The following KCNIP4 variants were observed in gnomAD, a reference collection of about 807,000 sequenced individuals.
The protein encoded by KCNIP4 is Kv channel-interacting protein 4.
A neutral mutation model predicts 34.0 loss-of-function variants in KCNIP4; 12 were observed. That is an observed-to-expected ratio of 0.35 (90% confidence interval 0.23 to 0.57). The LOEUF (loss-of-function observed/expected upper bound fraction) is 0.57, where lower values mean the gene tolerates loss of function less well. KCNIP4 is among the 20% of genes least tolerant of loss of function. KCNIP4 has a pLI of 0.83. For synonymous variants in KCNIP4, 124 were observed against 102.2 expected (o/e 1.21, Z -1.29); for missense variants, 238 against 311.7 (o/e 0.76, Z 1.78).
At chr4:21,718,593 A>G (rs374158763) in intron 1 of KCNIP4, 4 of 152,174 alleles carry the variant, frequency 2.6e-5, no homozygotes, top group African/African-American at 9.7e-5. Flanking sequence ...ATGCAAGACA[A>G]TACAAACTAG....
chr4:21,697,677 G>T, intron 1 of KCNIP4: 1 of 1,267,028 alleles, frequency 7.9e-7, no homozygotes, highest in Non-Finnish European at 9.8e-7. Context: ...TTCTCAGTGT[G>T]GTGACCAAGT....
At chr4:20,848,233 G>A (rs1250973652) in intron 3 of KCNIP4, among the ~76,000 whole-genome samples, 1 of 151,984 alleles carries the variant, frequency 6.6e-6, no homozygotes, top group Non-Finnish European at 1.5e-5. Flanking sequence ...TGTCTCATGG[G>A]GCAGGGTGAG....
intron 1 of KCNIP4, among the ~76,000 whole-genome samples, chr4:20,948,746 A>T (rs1240389565): frequency 6.6e-6 from 1 of 151,830 alleles, no homozygotes; most frequent in Non-Finnish European, 1.5e-5. Context: ...ATTGGAGATG[A>T]CTCCCTTTGT....
At chr4:20,899,474 TG>T (rs1560553494) in intron 1 of KCNIP4, among the ~76,000 whole-genome samples, 1 of 152,186 alleles carries the variant, frequency 6.6e-6, no homozygotes, top group East Asian at 1.9e-4. Flanking sequence ...AGTAAAATAA[TG>T]CCATGACAAG....
Position 20,954,022 on chromosome 4 carries a change from T to C in KCNIP4, c.62-71313A>G, listed in dbSNP as rs562554663. On this transcript the variant is annotated intron_variant, in intron 1 of 8. Transcript: ENST00000382152. ...CAGGATTTTTTTTATAAAGGCATCG[T>C]GCAAGAATCACAAATTAACATCCCT... Among the ~76,000 whole-genome samples the C allele has an allele frequency of 6.6e-5, 10 of 152,300 alleles. No individual in the cohort carries two copies. In the South Asian group the frequency reaches 2.1e-3, roughly 32 times the overall value.
intron 1 of KCNIP4, among the ~76,000 whole-genome samples, chr4:21,042,485 T>C (rs376941433): frequency 2.0e-5 from 3 of 152,146 alleles, no homozygotes; most frequent in African/African-American, 7.2e-5. Flanking sequence ...AAAGTTGCTT[T>C]CATAGAAGTA....
intron 1 of KCNIP4, among the ~76,000 whole-genome samples, chr4:21,586,124 A>C (rs888225778): frequency 6.6e-6 from 1 of 152,156 alleles, no homozygotes; most frequent in Admixed American, 6.6e-5. Flanking sequence ...ACTCCATTAC[A>C]TAAATGTTGG....
intron 1 of KCNIP4, among the ~76,000 whole-genome samples, chr4:21,906,340 G>T (rs1367448906): frequency 2.0e-5 from 3 of 152,170 alleles, no homozygotes; most frequent in Admixed American, 2.0e-4. Context: ...GTCTAAGACA[G>T]GTAGAGGGAG....
chr4:21,470,089 G>A (rs1048311135), intron 1 of KCNIP4, among the ~76,000 whole-genome samples: 1 of 152,216 alleles, frequency 6.6e-6, no homozygotes, highest in African/African-American at 2.4e-5. Context: ...GACTCAGAAA[G>A]TGATGTATGT....
At chr4:21,054,275 T>G (rs746883389) in intron 1 of KCNIP4, among the ~76,000 whole-genome samples, 1 of 151,930 alleles carries the variant, frequency 6.6e-6, no homozygotes, top group Non-Finnish European at 1.5e-5. Context: ...TACTAGCACT[T>G]TGGGAGGCTG....
chr4:21,237,658 C>T (rs1005523717), intron 1 of KCNIP4, among the ~76,000 whole-genome samples: 2 of 152,142 alleles, frequency 1.3e-5, no homozygotes, highest in African/African-American at 4.8e-5. Flanking sequence ...TCGACACATA[C>T]ACCCTCCCAA....
intron 1 of KCNIP4, among the ~76,000 whole-genome samples, chr4:21,637,170 T>A (rs1560582176): frequency 1.3e-5 from 2 of 152,134 alleles, no homozygotes; most frequent in African/African-American, 2.4e-5. Context: ...GATCAGCTCC[T>A]AAATGTCAAA....
intron 1 of KCNIP4, among the ~76,000 whole-genome samples, chr4:21,836,698 C>T (rs1723344690): frequency 6.6e-6 from 1 of 151,996 alleles, no homozygotes; most frequent in Non-Finnish European, 1.5e-5. Flanking sequence ...TCCAGTCTTG[C>T]TATTTTCTAA....
chr4:21,349,247 T>C lies in KCNIP4; in HGVS notation c.62-466538A>G, dbSNP rs571702261. On this transcript the variant is annotated intron_variant, in intron 1 of 8. Transcript: ENST00000382152. Reference sequence around the variant, plus strand: ...TACAGAGGAACAACCTAACATATTGTAAGTGCTCAGTCAATAATCAGCTGC... The same window carrying C: ...TACAGAGGAACAACCTAACATATTGCAAGTGCTCAGTCAATAATCAGCTGC... Among the ~76,000 whole-genome samples the C allele has an allele frequency of 5.9e-5, 9 of 152,282 alleles. No individual in the cohort carries two copies. In the East Asian group the frequency reaches 1.5e-3, roughly 26 times the overall value.
chr4:21,747,457 G>A (rs1043166004), intron 1 of KCNIP4, among the ~76,000 whole-genome samples: 19 of 152,100 alleles, frequency 1.2e-4, no homozygotes, highest in Admixed American at 2.6e-4. Context: ...GCAAGGTGTG[G>A]CAAGTTCTAA....
chr4:21,812,196 A>T (rs1721700539), intron 1 of KCNIP4, among the ~76,000 whole-genome samples: 1 of 152,128 alleles, frequency 6.6e-6, no homozygotes, highest in Admixed American at 6.5e-5. Context: ...TTATTACTTA[A>T]TTTTTTCCCT....
intron 5 of KCNIP4, among the ~76,000 whole-genome samples, chr4:20,748,571 T>C (rs1481343465): frequency 3.3e-5 from 1 of 29,916 alleles, no homozygotes; most frequent in African/African-American, 1.3e-4. Flanking sequence ...TATATATATA[T>C]ATATATATAT....
chr4:21,272,680 G>C (rs1035599583), intron 1 of KCNIP4, among the ~76,000 whole-genome samples: 1 of 152,146 alleles, frequency 6.6e-6, no homozygotes, highest in East Asian at 1.9e-4. Context: ...GTTTAATTCA[G>C]CTCAACAATT....
chr4:21,830,391 C>T lies in KCNIP4; in HGVS notation c.61+118180G>A, dbSNP rs182972035. Among the ~76,000 whole-genome samples the T allele has an allele frequency of 8.4e-3, 1,280 of 152,116 alleles. 14 individuals carry two copies. The highest frequency in any genetic ancestry group is 0.028 in the South Asian group (136 of 4,810). On this transcript the variant is annotated intron_variant, in intron 1 of 8. Coordinates refer to ENST00000382152, the MANE Select transcript of KCNIP4 (RefSeq NM_025221.6). ...ATTTTAATACAATCATAGTAGGAAA[C>T]TGGCCAGGCATGGTGACTCATGCCT...
Sources: gnomAD v4.1 joint callset for allele counts (sites outside exome capture counted in the v4.1 genomes callset) on GRCh38, gnomAD v4.1.1 for gene constraint, MANE v1.5 for transcripts, NCBI Gene and HGNC (gene_info 2026-07-23, HGNC 2026-07-21) for gene names.